TLE1: variants seen among roughly 807,000 people sequenced by gnomAD.
TLE1 encodes transducin-like enhancer protein 1.
Under a neutral mutation model 89.8 loss-of-function variants are expected in TLE1, and 21 were observed. The observed-to-expected ratio is 0.23, with a 90% CI of 0.17 to 0.34. TLE1 has a LOEUF of 0.34. Among genes scored for constraint, TLE1 ranks in the 10% least tolerant of loss-of-function variants. TLE1 has a pLI of 1.00. For synonymous variants in TLE1, 447 were observed against 407.6 expected, an observed-to-expected ratio of 1.10 and a Z score of -1.16; for missense variants, 795 against 1,031.2, an observed-to-expected ratio of 0.77 and a Z score of 3.14.
At chr9:81,613,121 G>A (rs966602354) in intron 12 of TLE1, among the ~76,000 whole-genome samples, 2 of 152,238 alleles carry the variant, frequency 1.3e-5, no homozygotes, top group African/African-American at 4.8e-5. Flanking sequence ...TCCAGCCTGG[G>A]GGGACAAGAG....
At chr9:81,647,332 A>G (rs974709508) in intron 6 of TLE1, among the ~76,000 whole-genome samples, 1 of 152,222 alleles carries the variant, frequency 6.6e-6, no homozygotes, top group Non-Finnish European at 1.5e-5. Context: ...GAAGCCAATG[A>G]TGTCTTCACG....
chr9:81,621,052 C>A, intron 8 of TLE1: 1 of 260,736 alleles, frequency 3.8e-6, no homozygotes, highest in South Asian at 3.6e-5. Context: ...TCCACAGCAA[C>A]AATGAAGGAA....
intron 12 of TLE1, chr9:81,612,476 T>C: frequency 1.7e-6 from 1 of 594,338 alleles, no homozygotes; most frequent in Admixed American, 6.3e-5. Context: ...GTTGCTTTTT[T>C]CCTTTCCCAC....
chr9:81,585,415 T>C (rs561529963), intron 18 of TLE1, 90 bp downstream of exon 18: 488 of 1,500,454 alleles, frequency 3.3e-4, no homozygotes, highest in Admixed American at 4.4e-4. Flanking sequence ...AGAACATTTT[T>C]TCCAGATTAT....
chr9:81,670,887 G>A (rs1832139138), intron 4 of TLE1, among the ~76,000 whole-genome samples: 1 of 152,046 alleles, frequency 6.6e-6, no homozygotes, highest in African/African-American at 2.4e-5. Flanking sequence ...AATAAGGATG[G>A]GCTGGGTGCC....
chr9:81,662,257 A>G (rs1830891328), intron 4 of TLE1, among the ~76,000 whole-genome samples: 1 of 152,140 alleles, frequency 6.6e-6, no homozygotes, highest in African/African-American at 2.4e-5. Context: ...ACCCACAGGC[A>G]TGGCAAGTAG....
Position 81,584,112 on chromosome 9 carries a change from T to G in TLE1, c.*86A>C. 8.1e-7 allele frequency: 1 copy of G among 1,240,644 alleles called. No homozygotes were observed. The highest frequency in any genetic ancestry group is 1.2e-6 in the Non-Finnish European group (1 of 859,452). 76.9% of individuals were successfully genotyped at this position (1,240,644 alleles called of 1,614,324 possible). ...AAACAGGTGTTTGTAATTTTTTTTCTCTTTTAAAGTTACAACTTTTCTATT... is the reference window on the plus strand; with the variant it reads ...AAACAGGTGTTTGTAATTTTTTTTCGCTTTTAAAGTTACAACTTTTCTATT... On this transcript the variant is annotated 3_prime_UTR_variant, in exon 20 of 20. Transcript: ENST00000376499.
At chr9:81,589,396 T>C (rs149058551) in intron 16 of TLE1, among the ~76,000 whole-genome samples, 275 of 152,298 alleles carry the variant, frequency 1.8e-3, no homozygotes, top group African/African-American at 6.4e-3. Flanking sequence ...TTACAGTGGA[T>C]ACAAAGACAT....
chr9:81,668,687 A>C lies in TLE1; in HGVS notation c.235-14651T>G, dbSNP rs181867055. Among the ~76,000 whole-genome samples, 273 of 152,252 alleles carry C rather than the reference A, an allele frequency of 1.8e-3. 6 individuals are homozygous for C. The highest frequency in any genetic ancestry group is 6.8e-4 in the Non-Finnish European group (46 of 68,024). ...AGTTACAGGGACTGACCAAAAATAC[A>C]CATAATTAAAAGTATGCCAAAAAAA... On this transcript the variant is annotated intron_variant, in intron 4 of 19. Transcript: ENST00000376499.
At chr9:81,667,627 T>C (rs998203844) in intron 4 of TLE1, among the ~76,000 whole-genome samples, 5 of 152,160 alleles carry the variant, frequency 3.3e-5, no homozygotes, top group Admixed American at 3.3e-4. Flanking sequence ...GGCTCCAATT[T>C]TGATATATGT....
At chr9:81,633,467 A>C in intron 7 of TLE1, 103 bp from the exon 8 acceptor site, 2 of 1,564,210 alleles carry the variant, frequency 1.3e-6, no homozygotes. Flanking sequence ...ACAAGCCCCA[A>C]ACAGTTTTAA....
At chr9:81,606,431 C>G (rs992932409) in intron 14 of TLE1, among the ~76,000 whole-genome samples, 1 of 152,284 alleles carries the variant, frequency 6.6e-6, no homozygotes, top group African/African-American at 2.4e-5. Flanking sequence ...CCATGGAATA[C>G]TATGCAGCCA....
intron 6 of TLE1, among the ~76,000 whole-genome samples, chr9:81,651,618 C>A (rs1410310865): frequency 1.3e-5 from 2 of 152,000 alleles, no homozygotes; most frequent in Non-Finnish European, 2.9e-5. Context: ...TCTATAGGTT[C>A]GAATACCCCA....
At position 81,583,745 on chromosome 9, in the gene TLE1, A is replaced by G. The variant is rs990002459; in HGVS notation, c.*453T>C. The stretch of plus-strand genomic sequence containing the variant: ...ATATTTACAATTTATACAAATGTTT[A>G]ACCTTCAACAAAAATACAAAAAAAC... On this transcript the variant is annotated 3_prime_UTR_variant, in exon 20 of 20. Transcript: ENST00000376499. 8 of 160,148 alleles carry G rather than the reference A, an allele frequency of 5.0e-5. No individual in the cohort carries two copies. Among genetic ancestry groups the G allele is most frequent in the African/African-American group, 1.9e-4 (8 of 41,582 alleles). The allele number at this position is 160,148 out of a possible 1,614,324, so 9.9% of individuals were successfully genotyped here.
intron 4 of TLE1, among the ~76,000 whole-genome samples, chr9:81,668,363 AC>A (rs886615736): frequency 6.6e-6 from 1 of 152,162 alleles, no homozygotes; most frequent in African/African-American, 2.4e-5. Flanking sequence ...TCAAAGCATA[AC>A]CTTTGGAAAA....
intron 4 of TLE1, among the ~76,000 whole-genome samples, chr9:81,679,788 G>A (rs1044627303): frequency 7.2e-5 from 11 of 152,128 alleles, no homozygotes; most frequent in Non-Finnish European, 1.5e-4. Flanking sequence ...GGTAGGAAAC[G>A]AAATCAATCA....
chr9:81,613,278 T>G lies in TLE1; in HGVS notation c.1063+99A>C, dbSNP rs142098069. ...GAAGGAGGGTGGCCCTACGTACATTTCATATTTGTAGGGCAATTGCGTCAC... is the reference window on the plus strand; with the variant it reads ...GAAGGAGGGTGGCCCTACGTACATTGCATATTTGTAGGGCAATTGCGTCAC... On this transcript the variant is annotated intron_variant, in intron 12 of 19. Coordinates refer to ENST00000376499, the MANE Select transcript of TLE1 (RefSeq NM_005077.5). 6.0e-4 allele frequency: 900 copies of G among 1,499,892 alleles called. 4 individuals are homozygous for G. In the African/African-American group the frequency reaches 0.011, roughly 18 times the overall value. The allele number at this position is 1,499,892 out of a possible 1,614,324, so 92.9% of individuals were successfully genotyped here.
At chr9:81,607,871 C>T (rs1269390246) in intron 14 of TLE1, among the ~76,000 whole-genome samples, 3 of 152,174 alleles carry the variant, frequency 2.0e-5, no homozygotes, top group Admixed American at 2.0e-4. Flanking sequence ...GCACAGAGGT[C>T]ATCATAAATT....
chr9:81,615,544 CAAAA>C (rs530072232), intron 11 of TLE1, among the ~76,000 whole-genome samples: 1 of 101,196 alleles, frequency 9.9e-6, no homozygotes, highest in Non-Finnish European at 2.1e-5. Flanking sequence ...ACTAAAAATA[CAAAA>C]AAAAAAAAAA....
Sources: gnomAD v4.1 joint callset for allele counts (sites outside exome capture counted in the v4.1 genomes callset) on GRCh38, gnomAD v4.1.1 for gene constraint, MANE v1.5 for transcripts, NCBI Gene and HGNC (gene_info 2026-07-23, HGNC 2026-07-21) for gene names.